KIF16B: variants seen among roughly 807,000 people sequenced by gnomAD.
KIF16B encodes kinesin family member 16B, also known as kinesin-like protein KIF16B.
A neutral mutation model predicts 156.3 loss-of-function variants in KIF16B; 98 were observed. The observed-to-expected ratio is 0.63, with a 90% CI of 0.53 to 0.74. KIF16B has a LOEUF of 0.74. Ranked by LOEUF, KIF16B falls within the 30% of genes least tolerant of loss-of-function variation. The probability of loss-of-function intolerance (pLI) is 0.00; values close to 1 mark genes in which losing one functional copy is unlikely to be tolerated. For synonymous variants in KIF16B, 564 were observed against 583.7 expected (o/e 0.97, Z 0.49); for missense variants, 1,421 against 1,606.5 (o/e 0.88, Z 1.97).
At chr20:16,339,156 A>G (rs1026224214) in intron 23 of KIF16B, among the ~76,000 whole-genome samples, 7 of 152,134 alleles carry the variant, frequency 4.6e-5, no homozygotes, top group African/African-American at 1.4e-4. Flanking sequence ...TCTTTCAGAA[A>G]TCTACTCACC....
At chr20:16,519,765 G>A (rs1425873724) in intron 3 of KIF16B, among the ~76,000 whole-genome samples, 1 of 152,206 alleles carries the variant, frequency 6.6e-6, no homozygotes, top group East Asian at 1.9e-4. Context: ...GCAGCTCCCA[G>A]CAAGATCAAT....
chr20:16,470,632 C>T (rs2146753049), intron 12 of KIF16B, among the ~76,000 whole-genome samples: 1 of 151,910 alleles, frequency 6.6e-6, no homozygotes, highest in South Asian at 2.1e-4. Context: ...TACAGGCATG[C>T]ACCACCATGC....
At chr20:16,509,609 T>G (rs1453840275) in intron 6 of KIF16B, among the ~76,000 whole-genome samples, 1 of 152,222 alleles carries the variant, frequency 6.6e-6, no homozygotes, top group Non-Finnish European at 1.5e-5. Flanking sequence ...CATCTGTATT[T>G]CCGTTTCTAC....
chr20:16,544,884 T>C (rs1568668158), intron 1 of KIF16B, among the ~76,000 whole-genome samples: 1 of 152,218 alleles, frequency 6.6e-6, no homozygotes, highest in Non-Finnish European at 1.5e-5. Context: ...AATGAATGTA[T>C]AAGCACATGA....
chr20:16,554,176 A>G (rs901102100), intron 1 of KIF16B, among the ~76,000 whole-genome samples: 3 of 152,176 alleles, frequency 2.0e-5, no homozygotes, highest in African/African-American at 4.8e-5. Context: ...CCAGGCTGCC[A>G]ATCCTGCAGA....
chr20:16,443,104 T>C (rs373348593), intron 12 of KIF16B, among the ~76,000 whole-genome samples: 2 of 152,316 alleles, frequency 1.3e-5, no homozygotes, highest in Non-Finnish European at 2.9e-5. Context: ...CTAGAGCATG[T>C]TGGATTTCAG....
intron 12 of KIF16B, among the ~76,000 whole-genome samples, chr20:16,462,328 G>A (rs975531993): frequency 4.0e-5 from 6 of 151,896 alleles, no homozygotes; most frequent in South Asian, 2.1e-4. Flanking sequence ...ATCCTCACCC[G>A]GTTCTCTCAC....
chr20:16,472,898 T>A (rs1161360139), intron 12 of KIF16B, among the ~76,000 whole-genome samples: 1 of 152,152 alleles, frequency 6.6e-6, no homozygotes, highest in Non-Finnish European at 1.5e-5. Context: ...TAGACCAACC[T>A]TAGAAACTAG....
intron 12 of KIF16B, among the ~76,000 whole-genome samples, chr20:16,468,383 C>A (rs188376147): frequency 2.5e-4 from 38 of 151,850 alleles, no homozygotes; most frequent in Admixed American, 1.7e-3. Context: ...ACCAGCCTGG[C>A]CAACATGGCG....
At chr20:16,288,266 A>T (rs1601496654) in intron 25 of KIF16B, among the ~76,000 whole-genome samples, 1 of 152,336 alleles carries the variant, frequency 6.6e-6, no homozygotes, top group Non-Finnish European at 1.5e-5. Flanking sequence ...TCTGTACCTC[A>T]GTTTCCTCCT....
intron 12 of KIF16B, among the ~76,000 whole-genome samples, chr20:16,431,863 A>G (rs934791671): frequency 2.1e-4 from 31 of 144,204 alleles, no homozygotes; most frequent in African/African-American, 6.1e-4. Flanking sequence ...ATTAGTGTGT[A>G]TATATATATA....
chr20:16,281,306 G>A (rs1167382965), intron 25 of KIF16B, among the ~76,000 whole-genome samples: 1 of 152,202 alleles, frequency 6.6e-6, no homozygotes, highest in Non-Finnish European at 1.5e-5. Context: ...CCACGGTGGC[G>A]GCTTAAAGAC....
chr20:16,490,632 T>C (rs1395645377), intron 12 of KIF16B, among the ~76,000 whole-genome samples: 4 of 151,978 alleles, frequency 2.6e-5, no homozygotes, highest in Non-Finnish European at 5.9e-5. Context: ...AACAAGGCCA[T>C]ATGAAGACAC....
chr20:16,533,104 T>G (rs191981656), intron 1 of KIF16B, among the ~76,000 whole-genome samples: 16 of 152,310 alleles, frequency 1.1e-4, no homozygotes. Flanking sequence ...AAACTGAAGA[T>G]GCAGGTAGGT....
At chr20:16,462,283 T>A (rs1255868936) in intron 12 of KIF16B, among the ~76,000 whole-genome samples, 1 of 152,108 alleles carries the variant, frequency 6.6e-6, no homozygotes, top group African/African-American at 2.4e-5. Context: ...TATGTACACT[T>A]TTCTAAAATG....
At position 16,477,053 on chromosome 20, in the gene KIF16B, C is replaced by T. The variant is rs903096345; in HGVS notation, c.1302+17238G>A. 6.6e-5 allele frequency among the ~76,000 whole-genome samples: 10 copies of T among 152,160 alleles called. No homozygotes were observed. In the East Asian group the frequency reaches 1.6e-3, roughly 24 times the overall value. The stretch of plus-strand genomic sequence containing the variant: ...TGAGCCACTGCGCCGGGCCTGGATA[C>T]CGTTTTTAAAGGTAAATAAGGCATA... On this transcript the variant is annotated intron_variant, in intron 12 of 25. Coordinates refer to ENST00000354981, the MANE Select transcript of KIF16B (RefSeq NM_024704.5).
chr20:16,402,380 A>G (rs1407529575), intron 17 of KIF16B, among the ~76,000 whole-genome samples: 1 of 152,206 alleles, frequency 6.6e-6, no homozygotes, highest in Non-Finnish European at 1.5e-5. Context: ...GATTACTGGC[A>G]ATGGTGCCCC....
chr20:16,491,350 GA>G (rs1333959199), intron 12 of KIF16B, among the ~76,000 whole-genome samples: 2 of 152,296 alleles, frequency 1.3e-5, no homozygotes, highest in African/African-American at 4.8e-5. Flanking sequence ...GCCAGGCAAA[GA>G]AGTCTGGACT....
chr20:16,403,905 G>A (rs1254556243), intron 17 of KIF16B, among the ~76,000 whole-genome samples: 2 of 152,198 alleles, frequency 1.3e-5, no homozygotes, highest in Admixed American at 1.3e-4. Flanking sequence ...ACTGCAGGAG[G>A]TGACAGAGTC....
Sources: allele counts gnomAD v4.1 joint callset (sites outside exome capture counted in the v4.1 genomes callset), GRCh38; gene constraint gnomAD v4.1.1; transcripts MANE v1.5; gene names NCBI Gene and HGNC (gene_info 2026-07-23, HGNC 2026-07-21).